POLE2: variants seen among roughly 807,000 people sequenced by gnomAD.
The protein encoded by POLE2 is DNA polymerase epsilon subunit 2.
In POLE2, 56 loss-of-function variants were observed where a neutral mutation model predicts 79.4. The ratio of observed to expected loss-of-function variants is 0.71; its 90% CI spans 0.57 to 0.88. POLE2 has a LOEUF of 0.88. Ranked by LOEUF, POLE2 falls within the 40% of genes least tolerant of loss-of-function variation. The probability of loss-of-function intolerance (pLI) is 0.00; values close to 1 mark genes in which losing one functional copy is unlikely to be tolerated. For synonymous variants in POLE2, 212 were observed against 214.0 expected (o/e 0.99, Z 0.08); for missense variants, 598 against 638.9 (o/e 0.94, Z 0.69).
chr14:49,650,822 C>T (rs1435545169), intron 16 of POLE2, among the ~76,000 whole-genome samples: 2 of 152,064 alleles, frequency 1.3e-5, no homozygotes, highest in Admixed American at 6.6e-5. Context: ...TATTTCCGTA[C>T]TTCTCAAATG....
intron 10 of POLE2, among the ~76,000 whole-genome samples, chr14:49,659,249 C>A (rs527644090): frequency 4.0e-5 from 6 of 148,242 alleles, no homozygotes; most frequent in Non-Finnish European, 5.9e-5. Flanking sequence ...AAGACCCCCA[C>A]CAATCCCTAC....
At chr14:49,682,316 T>C (rs1340636508) in intron 2 of POLE2, among the ~76,000 whole-genome samples, 1 of 150,524 alleles carries the variant, frequency 6.6e-6, no homozygotes, top group Non-Finnish European at 1.5e-5. Flanking sequence ...CACTTATTCT[T>C]ATCACAAGCG....
Position 49,688,177 on chromosome 14 carries a change from C to G in POLE2, c.27G>C (p.Arg9=). 3.9e-6 allele frequency: 6 copies of G among 1,545,632 alleles called. No individual in the cohort carries two copies. Among genetic ancestry groups the G allele is most frequent in the Non-Finnish European group, 5.2e-6 (6 of 1,147,800 alleles). The change falls in exon 1 of 19, where the codon CGG becomes CGC. Residue 9 remains arginine (R), a synonymous_variant. Transcript: ENST00000216367. The stretch of plus-strand genomic sequence containing the variant: ...CCCGCAACTTGAAGGCGGAGAGCGC[C>G]CGGCTCCGCAGCCGCTCCGGCGCCA... The part of the protein sequence containing the change: MAPERLRS[R]ALSAFKLRGL...
At chr14:49,678,065 T>G (rs1566566680) in intron 3 of POLE2, among the ~76,000 whole-genome samples, 2 of 151,664 alleles carry the variant, frequency 1.3e-5, no homozygotes, top group Non-Finnish European at 2.9e-5. Flanking sequence ...AGTGGCACGA[T>G]CTTGGCTCAC....
intron 4 of POLE2, 26 bp from the exon 5 acceptor site, chr14:49,674,242 G>C: frequency 6.6e-7 from 1 of 1,525,984 alleles, no homozygotes; most frequent in Non-Finnish European, 9.1e-7. Flanking sequence ...GCCTATTTTT[G>C]ACTATCATAA....
intron 10 of POLE2, among the ~76,000 whole-genome samples, chr14:49,662,969 T>C (rs1885194692): frequency 1.3e-5 from 2 of 152,232 alleles, no homozygotes; most frequent in African/African-American, 2.4e-5. Context: ...CATTGGAATA[T>C]AAAAATGAGA....
In POLE2 at chr14:49,660,170, C is replaced by G. The variant is rs570878323; in HGVS notation, c.755+3145G>C. On this transcript the variant is annotated intron_variant, in intron 10 of 18. Transcript: ENST00000216367. Reference sequence around the variant, plus strand: ...AATACTTATCATTGTGTTACAGTTGCCTATAGTATTCAATACAGCAACGTG... The same window carrying G: ...AATACTTATCATTGTGTTACAGTTGGCTATAGTATTCAATACAGCAACGTG... Among the ~76,000 whole-genome samples, 4 of 152,242 alleles carry G rather than the reference C, an allele frequency of 2.6e-5. No homozygotes were observed. In the East Asian group the frequency reaches 7.7e-4, roughly 29 times the overall value.
intron 1 of POLE2, among the ~76,000 whole-genome samples, chr14:49,684,909 G>A (rs559292556): frequency 3.4e-4 from 51 of 151,514 alleles, no homozygotes; most frequent in African/African-American, 1.2e-3. Context: ...CCTGAGAGGC[G>A]GAGCTTGCAG....
At chr14:49,649,626 T>A (rs1327598640) in intron 17 of POLE2, among the ~76,000 whole-genome samples, 1 of 151,696 alleles carries the variant, frequency 6.6e-6, no homozygotes, top group Non-Finnish European at 1.5e-5. Context: ...ATTATTGTAA[T>A]TTTTAGTAGA....
chr14:49,687,305 CACACA>C (rs1887221451), intron 1 of POLE2, among the ~76,000 whole-genome samples: 1 of 122,338 alleles, frequency 8.2e-6, no homozygotes, highest in African/African-American at 3.5e-5. Context: ...ACACACCACA[CACACA>C]CACACACACA....
At position 49,650,360 on chromosome 14, in the gene POLE2, C is replaced by T; in HGVS notation, c.1402G>A (p.Ala468Thr). ...TCGGGCACAGGATACACTCTCAAAG[C>T]ATAGTCATATGCCCAATACACTGGG... Reference protein sequence around the residue: ...VCPVYWAYDYALRVYPVPDLL... With the variant: ...VCPVYWAYDYTLRVYPVPDLL... The change falls in exon 17 of 19, where the codon GCT becomes ACT. Residue 468 changes from alanine (A) to threonine (T), a missense_variant. Coordinates refer to ENST00000216367, the MANE Select transcript of POLE2 (RefSeq NM_002692.4). 1 of 1,609,762 alleles carries T rather than the reference C, an allele frequency of 6.2e-7. No individual in the cohort carries two copies.
At chr14:49,683,741 C>T in intron 1 of POLE2, 48 bp from the exon 2 acceptor site, 1 of 946,828 alleles carries the variant, frequency 1.1e-6, no homozygotes, top group Non-Finnish European at 1.6e-6. Flanking sequence ...TAATTAAAGG[C>T]TAAAAGTTTT....
Position 49,684,896 on chromosome 14 carries a change from G to A in POLE2, c.69-1203C>T, listed in dbSNP as rs45446095. 7.1e-3 allele frequency among the ~76,000 whole-genome samples: 1,079 copies of A among 152,084 alleles called. 12 individuals carry two copies. Among genetic ancestry groups the A allele is most frequent in the African/African-American group, 0.025 (1,018 of 41,474 alleles). On this transcript the variant is annotated intron_variant, in intron 1 of 18. Transcript: ENST00000216367. Reference sequence around the variant, plus strand: ...GGAGGCTGAGGAGGGAGAACGGAGTGAACCTGAGAGGCGGAGCTTGCAGTG... The same window carrying A: ...GGAGGCTGAGGAGGGAGAACGGAGTAAACCTGAGAGGCGGAGCTTGCAGTG...
At chr14:49,688,087 G>A (rs1039569553) in intron 1 of POLE2, 49 bp downstream of exon 1, 5 of 1,423,930 alleles carry the variant, frequency 3.5e-6, no homozygotes, top group Admixed American at 2.0e-5. Flanking sequence ...CCAGGCAGAC[G>A]GGCCCCAGCT....
Position 49,647,320 on chromosome 14 carries a change from T to C in POLE2, c.1538A>G (p.Tyr513Cys). 3.2e-6 allele frequency: 5 copies of C among 1,572,996 alleles called. No homozygotes were observed. Among genetic ancestry groups the C allele is most frequent in the Non-Finnish European group, 4.3e-6 (5 of 1,155,046 alleles). Reference protein sequence around the residue: ...PRSGFSFKVFYPSNKTVEDSK... With the variant: ...PRSGFSFKVFCPSNKTVEDSK... Reference sequence around the variant, plus strand: ...ATCTTCTACTGTCTTATTAGAAGGATAAAAAACTTTGAATGAAAATCCACT... The same window carrying C: ...ATCTTCTACTGTCTTATTAGAAGGACAAAAAACTTTGAATGAAAATCCACT... Residue 513 changes from tyrosine to cysteine, a missense_variant, in exon 18 of 19, where the codon TAT (tyrosine) becomes TGT (cysteine). Transcript: ENST00000216367.
intron 3 of POLE2, among the ~76,000 whole-genome samples, chr14:49,675,613 A>G (rs933062017): frequency 3.3e-5 from 5 of 151,660 alleles, no homozygotes; most frequent in Middle Eastern, 6.9e-3. Flanking sequence ...TTTAGTAGAG[A>G]CAGGGTTTTG....
chr14:49,663,223 C>T (rs41415347), intron 10 of POLE2, 92 bp downstream of exon 10: 13,257 of 556,836 alleles, frequency 0.024, 227 homozygotes, highest in Admixed American at 0.049. Flanking sequence ...AGCCTGACAC[C>T]TTTTAGTAAC....
intron 18 of POLE2, among the ~76,000 whole-genome samples, chr14:49,646,301 G>GTTTTTTTTTTTT (rs1566522550): frequency 2.2e-5 from 2 of 90,772 alleles, no homozygotes; most frequent in African/African-American, 9.5e-5. Flanking sequence ...TTTTTTTGTT[G>GTTTTTTTTTTTT]GTTTTTTTTT....
intron 3 of POLE2, chr14:49,677,477 T>C: frequency 2.1e-6 from 1 of 475,014 alleles, no homozygotes; most frequent in Non-Finnish European, 3.9e-6. Flanking sequence ...TTTAATACAC[T>C]TGGATGCCAT....
Sources: gnomAD v4.1 joint callset for allele counts (sites outside exome capture counted in the v4.1 genomes callset) on GRCh38, gnomAD v4.1.1 for gene constraint, MANE v1.5 for transcripts, NCBI Gene and HGNC (gene_info 2026-07-23, HGNC 2026-07-21) for gene names.